The following KANK3 variants were observed in gnomAD, a reference collection of about 807,000 sequenced individuals.
KANK3 encodes KN motif and ankyrin repeat domain-containing protein 3.
KANK3 carries 61 observed loss-of-function variants against 65.4 expected under a neutral mutation model. The ratio of observed to expected loss-of-function variants is 0.93; its 90% CI spans 0.76 to 1.15. KANK3 has a LOEUF of 1.15. KANK3 is among the 50% of genes most tolerant of loss of function. The pLI, the probability that KANK3 is intolerant of heterozygous loss-of-function variation, is 0.00. For synonymous variants in KANK3, 586 were observed against 543.3 expected (o/e 1.08, Z -1.09); for missense variants, 1,187 against 1,178.8 (o/e 1.01, Z -0.10).
Position 8,334,819 on chromosome 19 carries a change from C to T in KANK3, c.1008G>A (p.Ala336=), listed in dbSNP as rs1568576395. 8.7e-6 allele frequency: 13 copies of T among 1,492,236 alleles called. No homozygotes were observed. In the South Asian group the frequency reaches 8.8e-5, roughly 10 times the overall value. 92.4% of individuals were successfully genotyped at this position (1,492,236 alleles called of 1,614,324 possible). ...GCAGCGCCTCGGTCACCCACGCGTC[C>T]GCCTCCACGGTCTCGGGGGCAGCCT... ...GVEAAPETVE[A]DAWVTEALLG... is the part of the protein sequence containing the mutation. The change falls in exon 3 of 11, where the codon GCG becomes GCA. Residue 336 remains alanine, a synonymous_variant. Coordinates refer to ENST00000330915, the MANE Select transcript of KANK3 (RefSeq NM_198471.3).
At chr19:8,331,370 T>C (rs1159527054) in intron 7 of KANK3, among the ~76,000 whole-genome samples, 1 of 107,158 alleles carries the variant, frequency 9.3e-6, no homozygotes, top group African/African-American at 3.1e-5. Flanking sequence ...CACTGTCCCC[T>C]GTCTCCTACA....
Position 8,334,503 on chromosome 19 carries a change from C to A in KANK3, c.1324G>T (p.Ala442Ser). Residue 442 changes from alanine to serine, a missense_variant, in exon 3 of 11, where the codon GCG becomes TCG. Ala to Ser is a moderately conservative substitution (Grantham distance 99). Coordinates refer to ENST00000330915, the MANE Select transcript of KANK3 (RefSeq NM_198471.3). ...CAGCGACGGGGTCGGGACTCACCCG[C>A]GGGCGCCACGGCCCTGTCTCCGTCC... Reference protein sequence around the residue: ...SMDGDRAVAPAGILKSIMKKR... With the variant: ...SMDGDRAVAPSGILKSIMKKR... The A allele has an allele frequency of 6.2e-7, 1 of 1,604,824 alleles. No individual in the cohort carries two copies. Among genetic ancestry groups the A allele is most frequent in the Non-Finnish European group, 8.5e-7 (1 of 1,179,466 alleles).
chr19:8,333,154 C>G lies in KANK3; in HGVS notation c.1796G>C (p.Arg599Thr). The change falls in exon 7 of 11, where the codon AGG (arginine) becomes ACG (threonine). Residue 599 changes from arginine to threonine, a missense_variant. Arg to Thr is a moderately conservative substitution (Grantham distance 71, BLOSUM62 -1). This residue lies in a region of KANK3 where 1,078 missense variants were observed against 1,038.2 expected (regional missense o/e 1.04). Coordinates refer to ENST00000330915, the MANE Select transcript of KANK3 (RefSeq NM_198471.3). The surrounding 1 kb of genome is among the most constrained non-coding windows in gnomAD (Gnocchi z 5.0). ...QRRSQAEPVA[R>T]MLEGVRRLGP... ...CAGGCGCCTCACCCCTTCCAGCATC[C>G]TGGCCACGGGCTCCGCCTGAGAGCG... is the stretch of plus-strand genomic sequence containing the variant. 1 of 1,613,080 alleles carries G rather than the reference C, an allele frequency of 6.2e-7. No individual in the cohort carries two copies. Among genetic ancestry groups the G allele is most frequent in the Non-Finnish European group, 8.5e-7 (1 of 1,179,942 alleles).
At chr19:8,343,105 T>C (rs1970741499) in intron 1 of KANK3, 120 bp downstream of exon 1, 1 of 152,220 alleles carries the variant, frequency 6.6e-6, no homozygotes, top group African/African-American at 2.4e-5. Context: ...GCCCGCCCCG[T>C]CGCAGCGGGC....
intron 7 of KANK3, among the ~76,000 whole-genome samples, chr19:8,332,378 A>G (rs1173847189): frequency 6.6e-6 from 1 of 151,528 alleles, no homozygotes; most frequent in African/African-American, 2.4e-5. Context: ...GGGTTTTGCC[A>G]TGTTGGCCAG....
At position 8,334,284 on chromosome 19, in the gene KANK3, C is replaced by T. The variant is rs1265497351; in HGVS notation, c.1427+36G>A. 5.6e-6 allele frequency: 9 copies of T among 1,611,328 alleles called. No homozygotes were observed. In the South Asian group the frequency reaches 7.7e-5, roughly 14 times the overall value. The stretch of plus-strand genomic sequence containing the variant: ...GGGGTTCCAACCCCAGTCTATGTCC[C>T]GGCAGAAGCTGCCACAGGAGGGGAA... On this transcript the variant is annotated intron_variant, in intron 4 of 10. Transcript: ENST00000330915.
chr19:8,337,051 G>C (rs1419650408), intron 2 of KANK3, among the ~76,000 whole-genome samples: 1 of 140,360 alleles, frequency 7.1e-6, no homozygotes, highest in African/African-American at 2.7e-5. Flanking sequence ...TCTTTTTTTT[G>C]AGACGGAGTC....
At chr19:8,332,534 G>T (rs1211180269) in intron 7 of KANK3, among the ~76,000 whole-genome samples, 2 of 151,634 alleles carry the variant, frequency 1.3e-5, no homozygotes, top group African/African-American at 2.4e-5. Context: ...ACCCAAGGAG[G>T]TTGGCTGGGC....
Position 8,337,836 on chromosome 19 carries a change from G to T in KANK3, c.-8C>A. On this transcript the variant is annotated 5_prime_UTR_variant, in exon 2 of 11. Coordinates refer to ENST00000330915, the MANE Select transcript of KANK3 (RefSeq NM_198471.3). ...CAGGGCAAACTTGGCCATGTTTCCT[G>T]CAGCAGCTGTCAGAGGCACCCTGCA... 4 of 1,613,426 alleles carry T rather than the reference G, an allele frequency of 2.5e-6. No homozygotes were observed. In the South Asian group the frequency reaches 4.4e-5, roughly 18 times the overall value.
At position 8,334,891 on chromosome 19, in the gene KANK3, T is replaced by C; in HGVS notation, c.936A>G (p.Arg312=). The C allele has an allele frequency of 6.9e-7, 1 of 1,455,766 alleles. No homozygotes were observed. Among genetic ancestry groups the C allele is most frequent in the Non-Finnish European group, 9.0e-7 (1 of 1,113,280 alleles). The allele number at this position is 1,455,766 out of a possible 1,614,324, so 90.2% of individuals were successfully genotyped here. The change falls in exon 3 of 11, where the codon CGA becomes CGG. Residue 312 remains arginine, a synonymous_variant. Coordinates refer to ENST00000330915, the MANE Select transcript of KANK3 (RefSeq NM_198471.3). ...EVAAEAVPET[R]EAGAQAVPET... ...CCGGCACGGCCTGGGCACCCGCTTC[T>C]CGGGTCTCGGGCACGGCCTCGGCGG... is the stretch of plus-strand genomic sequence containing the variant.
rs192031438 is a variant in KANK3, at chr19:8,327,283, C to T, written c.1937-2187G>A. Among the ~76,000 whole-genome samples the T allele has an allele frequency of 3.7e-3, 561 of 152,192 alleles. 1 individual carries two copies. Among genetic ancestry groups the T allele is most frequent in the Non-Finnish European group, 6.4e-3 (436 of 68,008 alleles). On this transcript the variant is annotated intron_variant, in intron 7 of 10. Coordinates refer to ENST00000330915, the MANE Select transcript of KANK3 (RefSeq NM_198471.3). The stretch of plus-strand genomic sequence containing the variant: ...TAGGGAGGCCAAGGCAGGAGGATCA[C>T]TTGAGGCCAGGAGTCTGAGGCCAGC...
chr19:8,334,177 C>T (rs1331464093), intron 4 of KANK3, 61 bp from the exon 5 acceptor site: 13 of 1,492,344 alleles, frequency 8.7e-6, no homozygotes, highest in Non-Finnish European at 1.2e-5. Context: ...TGGAGTCCTG[C>T]GATGTGGGTG....
intron 1 of KANK3, among the ~76,000 whole-genome samples, chr19:8,338,772 G>C (rs1314333521): frequency 1.3e-5 from 2 of 151,260 alleles, no homozygotes; most frequent in Non-Finnish European, 2.9e-5. Flanking sequence ...CTACTCGGGA[G>C]GCTGAGGCAG....
intron 1 of KANK3, among the ~76,000 whole-genome samples, chr19:8,338,228 G>A (rs921022678): frequency 2.6e-5 from 4 of 151,252 alleles, no homozygotes; most frequent in African/African-American, 9.7e-5. Context: ...CACCATGTTG[G>A]CCAGGCTGGT....
Position 8,324,474 on chromosome 19 carries a change from A to C in KANK3, c.2357T>G (p.Leu786Arg), listed in dbSNP as rs1450695091. Residue 786 changes from leucine to arginine, a missense_variant, in exon 10 of 11, where the codon CTG (leucine) becomes CGG (arginine). Coordinates refer to ENST00000330915, the MANE Select transcript of KANK3 (RefSeq NM_198471.3). The part of the protein sequence containing the change: ...DEVAALLHAH[L>R]SSGQPDTQSE... ...CTGGGTGTCGGGCTGGCCCGAGCTC[A>C]GGTGGGCATGTAGCAGAGCGGCCAC... The C allele has an allele frequency of 6.2e-7, 1 of 1,610,030 alleles. No homozygotes were observed. The highest frequency in any genetic ancestry group is 1.3e-5 in the African/African-American group (1 of 74,820).
At chr19:8,330,053 G>A (rs60006507) in intron 7 of KANK3, among the ~76,000 whole-genome samples, 43,742 of 151,986 alleles carry the variant, frequency 0.29, 6,764 homozygotes, top group African/African-American at 0.4. Flanking sequence ...CAGAGAGGCA[G>A]AGTGAGGAGG....
intron 1 of KANK3, among the ~76,000 whole-genome samples, chr19:8,339,719 A>G (rs1393772213): frequency 6.6e-6 from 1 of 152,104 alleles, no homozygotes; most frequent in Admixed American, 6.6e-5. Flanking sequence ...GTGGCTCACA[A>G]GCCATTGCTC....
intron 7 of KANK3, 76 bp from the exon 8 acceptor site, chr19:8,325,172 C>G (rs1300326502): frequency 1.4e-6 from 2 of 1,480,944 alleles, no homozygotes; most frequent in Admixed American, 4.6e-5. Context: ...TCCCTGCAAG[C>G]CTCGGGCACA....
chr19:8,331,259 A>T (rs1342406073), intron 7 of KANK3, among the ~76,000 whole-genome samples: 2 of 152,090 alleles, frequency 1.3e-5, no homozygotes, highest in Non-Finnish European at 2.9e-5. Context: ...GGGGCCAAGG[A>T]GCCTGGGGCC....
Sources: gnomAD v4.1 joint callset for allele counts (sites outside exome capture counted in the v4.1 genomes callset) on GRCh38, gnomAD v4.1.1 for gene constraint, gnomAD v4.1.1 regional missense constraint, Gnocchi (gnomAD v3.1) non-coding constraint, MANE v1.5 for transcripts, NCBI Gene and HGNC (gene_info 2026-07-23, HGNC 2026-07-21) for gene names.